The following CACNA1C variants were observed in gnomAD, a reference collection of about 807,000 sequenced individuals.
CACNA1C encodes voltage-dependent L-type calcium channel subunit alpha-1C.
Under a neutral mutation model 229.0 loss-of-function variants are expected in CACNA1C, and 30 were observed. The ratio of observed to expected loss-of-function variants is 0.13; its 90% CI spans 0.10 to 0.18. The LOEUF (loss-of-function observed/expected upper bound fraction) is 0.18. CACNA1C is among the 10% of genes least tolerant of loss of function. The pLI is 1.00. For missense variants in CACNA1C, 1,658 were observed against 2,845.0 expected, an observed-to-expected ratio of 0.58 and a Z score of 9.49; for synonymous variants, 1,114 against 1,132.5, an observed-to-expected ratio of 0.98 and a Z score of 0.33.
chr12:2,318,836 G>T (rs1180324776), intron 3 of CACNA1C, among the ~76,000 whole-genome samples: 1 of 151,756 alleles, frequency 6.6e-6, no homozygotes, highest in Non-Finnish European at 1.5e-5. Flanking sequence ...GGCTAGAGGA[G>T]CGGGCAGAGA....
rs200515750 is a variant in CACNA1C at position 2,310,353 on chromosome 12, AT to A, written c.478-138622del. On this transcript the variant is annotated intron_variant, in intron 3 of 46. Transcript: ENST00000399655. ...CTCTGCCTCCCAGTTAAAAAAAAAA[AT>A]ATATATATATATATATATGTATGGG... Among the ~76,000 whole-genome samples, 847 of 110,722 alleles carry A rather than the reference AT, an allele frequency of 7.6e-3. 5 individuals carry two copies. The highest frequency in any genetic ancestry group is 0.036 in the South Asian group (108 of 2,990). The allele number at this position is 110,722 out of a possible 152,430, so 72.6% of individuals were successfully genotyped here.
At chr12:2,690,321 C>G (rs2097754278) in intron 46 of CACNA1C, 1 of 153,152 alleles carries the variant, frequency 6.5e-6, no homozygotes, top group Admixed American at 6.5e-5. Flanking sequence ...GCCAAACCTT[C>G]TCTGGTTTTT....
intron 24 of CACNA1C, among the ~76,000 whole-genome samples, chr12:2,606,194 T>C (rs957275045): frequency 3.3e-5 from 5 of 152,200 alleles, no homozygotes; most frequent in African/African-American, 1.2e-4. Context: ...CTCCTGCTGC[T>C]TCCTGCAGCA....
intron 1 of CACNA1C, among the ~76,000 whole-genome samples, chr12:1,974,607 A>G (rs1481207205): frequency 6.6e-6 from 1 of 152,160 alleles, no homozygotes; most frequent in Non-Finnish European, 1.5e-5. Context: ...ATTTCTCTTC[A>G]TTATGGAAAA....
intron 1 of CACNA1C, among the ~76,000 whole-genome samples, chr12:2,027,045 A>C (rs1368891117): frequency 6.6e-6 from 1 of 152,230 alleles, no homozygotes; most frequent in African/African-American, 2.4e-5. Flanking sequence ...AGATACTGTG[A>C]TATTTCATTA....
chr12:1,993,153 C>G (rs746277565), intron 1 of CACNA1C: 3 of 1,391,504 alleles, frequency 2.2e-6, no homozygotes, highest in Non-Finnish European at 1.0e-6. Flanking sequence ...ATGCTGACAC[C>G]CCCCATAGCC....
At chr12:2,594,941 T>A (rs2067375616) in intron 19 of CACNA1C, among the ~76,000 whole-genome samples, 1 of 152,232 alleles carries the variant, frequency 6.6e-6, no homozygotes. Flanking sequence ...TTGGCTTCCA[T>A]CTTCAAGCAA....
intron 1 of CACNA1C, among the ~76,000 whole-genome samples, chr12:2,035,220 C>G (rs972413857): frequency 1.2e-4 from 18 of 152,248 alleles, no homozygotes; most frequent in Non-Finnish European, 2.9e-5. Flanking sequence ...TGCCACCTTC[C>G]AAGTCCTGAA....
At chr12:2,350,519 A>G (rs1417273600) in intron 3 of CACNA1C, among the ~76,000 whole-genome samples, 1 of 152,184 alleles carries the variant, frequency 6.6e-6, no homozygotes, top group Non-Finnish European at 1.5e-5. Context: ...GCAGAAAGAG[A>G]AAGATCAAGG....
At chr12:2,155,283 G>A (rs1004490391) in intron 3 of CACNA1C, among the ~76,000 whole-genome samples, 11 of 152,038 alleles carry the variant, frequency 7.2e-5, no homozygotes, top group African/African-American at 2.7e-4. Context: ...TGCTCTTCAG[G>A]GTCCCGGAGA....
In CACNA1C at chr12:1,974,479, C is replaced by T. The variant is rs149031742; in HGVS notation, c.139+3278C>T. Among the ~76,000 whole-genome samples, 834 of 152,248 alleles carry T rather than the reference C, an allele frequency of 5.5e-3. 7 individuals are homozygous for T. Among genetic ancestry groups the T allele is most frequent in the African/African-American group, 0.019 (772 of 41,556 alleles). ...AGCACTATGTAGACACTAATGTACT[C>T]GTTTAATGTGTATTTACTATTACAA... On this transcript the variant is annotated intron_variant, in intron 1 of 46. Transcript: ENST00000682462.
chr12:2,587,208 C>CA (rs5796015), intron 18 of CACNA1C, among the ~76,000 whole-genome samples: 2,340 of 146,084 alleles, frequency 0.016, 36 homozygotes, highest in African/African-American at 0.028. Context: ...AATATTCCAA[C>CA]AAAAAAAAAA....
intron 11 of CACNA1C, among the ~76,000 whole-genome samples, chr12:2,560,309 G>A (rs1469092100): frequency 6.6e-6 from 1 of 152,238 alleles, no homozygotes; most frequent in Non-Finnish European, 1.5e-5. Flanking sequence ...AACAATTACA[G>A]ATAATGGAAT....
chr12:1,985,565 T>C (rs559393787), intron 1 of CACNA1C, among the ~76,000 whole-genome samples: 3 of 152,356 alleles, frequency 2.0e-5, no homozygotes, highest in African/African-American at 7.2e-5. Context: ...TATCTTATAA[T>C]TCTAACATCC....
At chr12:2,195,792 G>T (rs1016434427) in intron 3 of CACNA1C, among the ~76,000 whole-genome samples, 5 of 152,202 alleles carry the variant, frequency 3.3e-5, no homozygotes, top group Admixed American at 2.6e-4. Context: ...CCGGGAAGGG[G>T]CTTCCCCTCA....
At chr12:2,274,579 G>A (rs1322620281) in intron 3 of CACNA1C, among the ~76,000 whole-genome samples, 1 of 152,164 alleles carries the variant, frequency 6.6e-6, no homozygotes, top group Non-Finnish European at 1.5e-5. Flanking sequence ...GCTTCCCGAC[G>A]TGCACGGTTT....
chr12:2,203,994 A>G (rs1000993162), intron 3 of CACNA1C, among the ~76,000 whole-genome samples: 1 of 152,222 alleles, frequency 6.6e-6, no homozygotes, highest in Non-Finnish European at 1.5e-5. Flanking sequence ...TTGCAAAACA[A>G]CAATGTGATG....
chr12:2,584,386 C>A (rs2153229190), intron 15 of CACNA1C, 117 bp from the exon 16 acceptor site: 1 of 680,210 alleles, frequency 1.5e-6, no homozygotes, highest in South Asian at 1.7e-5. Context: ...AAATTGCTTC[C>A]CCCTCAAGCT....
chr12:2,377,728 G>A (rs1345210613), intron 3 of CACNA1C, among the ~76,000 whole-genome samples: 1 of 152,184 alleles, frequency 6.6e-6, no homozygotes, highest in Non-Finnish European at 1.5e-5. Context: ...GTAAAGTGAG[G>A]TTCACAAGAA....
Sources: allele counts gnomAD v4.1 joint callset (sites outside exome capture counted in the v4.1 genomes callset), GRCh38; gene constraint gnomAD v4.1.1; transcripts MANE v1.5; gene names NCBI Gene and HGNC (gene_info 2026-07-23, HGNC 2026-07-21).